Variants in RGS8 observed in about 807,000 individuals in gnomAD.
The protein encoded by RGS8 is regulator of G protein signaling 8, also known as regulator of G-protein signaling 8.
RGS8 carries 8 observed loss-of-function variants against 21.7 expected under a neutral mutation model. That is an observed-to-expected ratio of 0.37 (90% CI 0.22 to 0.66). The LOEUF is 0.66. Among genes scored for constraint, RGS8 ranks in the 30% least tolerant of loss-of-function variants. The probability of loss-of-function intolerance (pLI) is 0.59; values close to 1 mark genes in which losing one functional copy is unlikely to be tolerated. For synonymous variants in RGS8, 80 were observed against 83.6 expected, an observed-to-expected ratio of 0.96 and a Z score of 0.24; for missense variants, 157 against 217.9, an observed-to-expected ratio of 0.72 and a Z score of 1.76.
In RGS8 at chr1:182,665,951, G is replaced by T. The variant is rs202108820; in HGVS notation, c.193+18C>A. 2.5e-6 allele frequency: 4 copies of T among 1,604,140 alleles called. No homozygotes were observed. The highest frequency in any genetic ancestry group is 2.2e-5 in the East Asian group (1 of 44,858). ...TAGATGATTTGCCATGTCATGATAC[G>T]ACCTGAATTCTACTTACACTTATGA... On this transcript the variant is annotated intron_variant, in intron 5 of 6. Coordinates refer to ENST00000483095, the Ensembl canonical transcript of RGS8.
intron 5 of RGS8, among the ~76,000 whole-genome samples, chr1:182,662,707 C>T (rs1663652627): frequency 6.6e-6 from 1 of 152,174 alleles, no homozygotes; most frequent in African/African-American, 2.4e-5. Flanking sequence ...CTTGAGGCCA[C>T]CCAGCGTGTA....
chr1:182,727,701 T>C, the RGS8 span, among the ~76,000 whole-genome samples: 1 of 152,104 alleles, frequency 6.6e-6, no homozygotes, highest in Non-Finnish European at 1.5e-5. Context: ...ATAATTAATT[T>C]AATGTTATAA....
the RGS8 span, among the ~76,000 whole-genome samples, chr1:182,706,839 G>T: frequency 5.9e-5 from 9 of 152,148 alleles, no homozygotes; most frequent in Non-Finnish European, 1.0e-4. Flanking sequence ...CCCTGAAGTG[G>T]TAACACTTTA....
the RGS8 span, among the ~76,000 whole-genome samples, chr1:182,749,695 G>C: frequency 6.6e-6 from 1 of 152,126 alleles, no homozygotes; most frequent in South Asian, 2.1e-4. Context: ...ATGGGTGACT[G>C]AGGACATTAC....
chr1:182,703,210 G>A, the RGS8 span, among the ~76,000 whole-genome samples: 1 of 152,202 alleles, frequency 6.6e-6, no homozygotes, highest in South Asian at 2.1e-4. Context: ...CTTCTGAAGG[G>A]AAAGGGGCAT....
intron 5 of RGS8, among the ~76,000 whole-genome samples, chr1:182,663,799 G>C (rs1380572580): frequency 6.6e-6 from 1 of 152,130 alleles, no homozygotes; most frequent in African/African-American, 2.4e-5. Flanking sequence ...AGGTAGCTGG[G>C]ACTACAGGCA....
chr1:182,749,467 C>G, the RGS8 span, among the ~76,000 whole-genome samples: 1 of 152,152 alleles, frequency 6.6e-6, no homozygotes, highest in African/African-American at 2.4e-5. Context: ...ATACCACACA[C>G]TGTACCATGT....
chr1:182,716,170 G>A, the RGS8 span, among the ~76,000 whole-genome samples: 131 of 148,342 alleles, frequency 8.8e-4, no homozygotes, highest in African/African-American at 3.0e-3. Flanking sequence ...TTGTCGCCCC[G>A]GCTGGAGTAC....
At chr1:182,742,882 T>C in the RGS8 span, among the ~76,000 whole-genome samples, 3 of 152,088 alleles carry the variant, frequency 2.0e-5, no homozygotes, top group East Asian at 5.8e-4. Context: ...GAGATGAAAA[T>C]TATCAAACTG....
chr1:182,656,172 G>A (rs913708985), intron 5 of RGS8, among the ~76,000 whole-genome samples: 8 of 152,180 alleles, frequency 5.3e-5, no homozygotes, highest in Admixed American at 1.3e-4. Flanking sequence ...CTTTGTAGTC[G>A]CTTGGCCAGT....
chr1:182,679,983 A>T (rs1268858804), intron 1 of RGS8, among the ~76,000 whole-genome samples: 1 of 151,914 alleles, frequency 6.6e-6, no homozygotes, highest in Non-Finnish European at 1.5e-5. Context: ...CCAATTACCA[A>T]ATCATACTGA....
the RGS8 span, among the ~76,000 whole-genome samples, chr1:182,705,409 G>A: frequency 5.3e-5 from 8 of 152,270 alleles, no homozygotes; most frequent in South Asian, 6.2e-4. Flanking sequence ...TCTTTATTCC[G>A]TCTACAGATT....
chr1:182,705,767 C>G, the RGS8 span, among the ~76,000 whole-genome samples: 1 of 152,134 alleles, frequency 6.6e-6, no homozygotes, highest in African/African-American at 2.4e-5. Context: ...TCCAATTCTT[C>G]TCATGGATTT....
upstream of RGS8, among the ~76,000 whole-genome samples, chr1:182,676,651 C>A (rs555504268): frequency 7.6e-4 from 116 of 152,298 alleles, no homozygotes; most frequent in African/African-American, 2.6e-3. Flanking sequence ...TGTAATAACG[C>A]TGCTCAACTC....
chr1:182,658,948 G>T (rs1464709814), intron 5 of RGS8, among the ~76,000 whole-genome samples: 1 of 152,206 alleles, frequency 6.6e-6, no homozygotes, highest in African/African-American at 2.4e-5. Context: ...GCAACCATTT[G>T]ATATGCTAAT....
the RGS8 span, among the ~76,000 whole-genome samples, chr1:182,702,376 G>A: frequency 6.6e-6 from 1 of 152,146 alleles, no homozygotes; most frequent in Non-Finnish European, 1.5e-5. Flanking sequence ...TCGAAAAGAT[G>A]ACTAGAGTAG....
At chr1:182,739,680 AC>A in the RGS8 span, among the ~76,000 whole-genome samples, 1 of 152,052 alleles carries the variant, frequency 6.6e-6, no homozygotes, top group African/African-American at 2.4e-5. Flanking sequence ...GTGTATGTAG[AC>A]AGTGCTGTTT....
At chr1:182,711,024 C>T in the RGS8 span, among the ~76,000 whole-genome samples, 1 of 152,094 alleles carries the variant, frequency 6.6e-6, no homozygotes, top group East Asian at 1.9e-4. Context: ...CACAAAGATG[C>T]CGGCAAAGGA....
intron 5 of RGS8, among the ~76,000 whole-genome samples, chr1:182,653,183 A>G (rs1396579065): frequency 6.6e-6 from 1 of 152,206 alleles, no homozygotes; most frequent in African/African-American, 2.4e-5. Context: ...AGAAGCAGTC[A>G]GTAGATTCAG....
Sources: gnomAD v4.1 joint callset for allele counts (sites outside exome capture counted in the v4.1 genomes callset) on GRCh38, gnomAD v4.1.1 for gene constraint, MANE v1.5 for transcripts, NCBI Gene and HGNC (gene_info 2026-07-23, HGNC 2026-07-21) for gene names.